SYAP1: variants seen among roughly 807,000 people sequenced by gnomAD.
SYAP1 encodes synapse-associated protein 1.
A neutral mutation model predicts 29.6 loss-of-function variants in SYAP1; 3 were observed. The observed-to-expected ratio is 0.10, with a 90% CI of 0.05 to 0.26. The LOEUF is 0.26. Ranked by LOEUF, SYAP1 falls within the 10% of genes least tolerant of loss-of-function variation. SYAP1 has a pLI of 1.00. For missense variants in SYAP1, 217 were observed against 264.1 expected, an observed-to-expected ratio of 0.82 and a Z score of 1.24; for synonymous variants, 102 against 102.7, an observed-to-expected ratio of 0.99 and a Z score of 0.04.
intron 6 of SYAP1, 55 bp from the exon 7 acceptor site, chrX:16,756,608 T>C: frequency 1.0e-6 from 1 of 986,429 alleles, no homozygotes; most frequent in Non-Finnish European, 1.4e-6. Flanking sequence ...GTGATTATAA[T>C]ATGTATTCAG....
chrX:16,737,514 A>G (rs1176495470), intron 3 of SYAP1, among the ~76,000 whole-genome samples: 1 of 112,395 alleles, frequency 8.9e-6, no homozygotes, highest in African/African-American at 3.2e-5. Flanking sequence ...CAAGTGAGGT[A>G]TACAAGTTAG....
chrX:16,741,869 T>C (rs1926468070), intron 4 of SYAP1, 80 bp downstream of exon 4: 5 of 694,425 alleles, frequency 7.2e-6, no homozygotes, highest in Non-Finnish European at 1.1e-5. Flanking sequence ...TTTAGTAGAA[T>C]TTATTTTTCT....
intron 3 of SYAP1, among the ~76,000 whole-genome samples, chrX:16,737,969 G>A (rs959052120): frequency 7.2e-5 from 8 of 111,528 alleles, no homozygotes; most frequent in African/African-American, 2.6e-4. Context: ...AAAACCATGA[G>A]AGTAGATGAG....
chrX:16,733,786 C>A (rs1926262605), intron 1 of SYAP1, among the ~76,000 whole-genome samples: 1 of 110,049 alleles, frequency 9.1e-6, no homozygotes, highest in South Asian at 3.9e-4. Flanking sequence ...CTGCCTCAGC[C>A]TCCTGAGTAG....
At chrX:16,739,560 T>C in intron 3 of SYAP1, among the ~76,000 whole-genome samples, 1 of 96,407 alleles carries the variant, frequency 1.0e-5, no homozygotes, top group Middle Eastern at 5.4e-3. Flanking sequence ...CACTGCAACC[T>C]CTGCCCCCCG....
Position 16,765,165 on chromosome X carries a change from ATTAT to A in SYAP1, c.*4811_*4814del, listed in dbSNP as rs1706247001. ...TTATATACTTCTCACAAATCATCAA[ATTAT>A]TTATCTGGTCTTCACACTAAGGGAT... On this transcript the variant is annotated 3_prime_UTR_variant, in exon 9 of 9. Coordinates refer to ENST00000380155, the MANE Select transcript of SYAP1 (RefSeq NM_032796.4). 1 of 112,525 alleles carries A rather than the reference ATTAT, an allele frequency of 8.9e-6. No homozygotes were observed. The highest frequency in any genetic ancestry group is 1.9e-5 in the Non-Finnish European group (1 of 53,369). The allele number at this position is 112,525 out of a possible 1,213,427, so 9.3% of individuals were successfully genotyped here.
intron 5 of SYAP1, among the ~76,000 whole-genome samples, chrX:16,746,177 CAA>C (rs11307737): frequency 0.064 from 4,119 of 63,866 alleles, 348 homozygotes; most frequent in African/African-American, 0.22. Flanking sequence ...TGTTTTATGG[CAA>C]AAAAAAAAAA....
chrX:16,761,978 A>G lies in SYAP1; in HGVS notation c.*1619A>G, dbSNP rs1926994886. 1 of 111,654 alleles carries G rather than the reference A, an allele frequency of 9.0e-6. No individual in the cohort carries two copies. The highest frequency in any genetic ancestry group is 9.6e-5 in the Admixed American group (1 of 10,372). 9.2% of individuals were successfully genotyped at this position (111,654 alleles called of 1,213,427 possible). ...CATGTGTCTGAGCCAGACTGTCTCA[A>G]CTGGAGTCTCTTGGGTTATAGCAGT... On this transcript the variant is annotated 3_prime_UTR_variant, in exon 9 of 9. Transcript: ENST00000380155.
rs983667789 is a variant in SYAP1 at position 16,760,846 on chromosome X, A to G, written c.*487A>G. 6 of 111,908 alleles carry G rather than the reference A, an allele frequency of 5.4e-5. No individual in the cohort carries two copies. The highest frequency in any genetic ancestry group is 2.0e-4 in the African/African-American group (6 of 30,710). The allele number at this position is 111,908 out of a possible 1,213,427, so 9.2% of individuals were successfully genotyped here. On this transcript the variant is annotated 3_prime_UTR_variant, in exon 9 of 9. Transcript: ENST00000380155. ...TTTCAGAACTATTCACTTGCCAGGT[A>G]TTTTCTAAAATTCCACCTGAAAGCC...
At position 16,736,150 on chromosome X, in the gene SYAP1, G is replaced by A. The variant is rs1569248972; in HGVS notation, c.295-16G>A. The A allele has an allele frequency of 9.5e-7, 1 of 1,057,662 alleles. No homozygotes were observed. The highest frequency in any genetic ancestry group is 1.3e-6 in the Non-Finnish European group (1 of 757,085). The allele number at this position is 1,057,662 out of a possible 1,213,427, so 87.2% of individuals were successfully genotyped here. A position where few individuals can be genotyped will look rare whatever the true frequency, so the allele number is the denominator to read the frequency against. On this transcript the variant is annotated splice_polypyrimidine_tract_variant and intron_variant, in intron 2 of 8. Transcript: ENST00000380155. ...ATACATTGCTATTTAATTTGACTATGTATTTTTTTTAACAGACAATTATAG... is the reference window on the plus strand; with the variant it reads ...ATACATTGCTATTTAATTTGACTATATATTTTTTTTAACAGACAATTATAG...
Position 16,760,429 on chromosome X carries a change from T to C in SYAP1, c.*70T>C. ...ACATTAAATTCTAGATGTTGACAAT[T>C]ACTGAATCAGAAGGCATGAAAGAGT... On this transcript the variant is annotated 3_prime_UTR_variant, in exon 9 of 9. Transcript: ENST00000380155. The C allele has an allele frequency of 1.0e-6, 1 of 988,427 alleles. No homozygotes were observed. Among genetic ancestry groups the C allele is most frequent in the South Asian group, 3.1e-5 (1 of 32,491 alleles). 81.5% of individuals were successfully genotyped at this position (988,427 alleles called of 1,213,427 possible). A position where few individuals can be genotyped will look rare whatever the true frequency, so the allele number is the denominator to read the frequency against.
At chrX:16,743,220 C>T (rs1415859989) in intron 4 of SYAP1, among the ~76,000 whole-genome samples, 11 of 108,790 alleles carry the variant, frequency 1.0e-4, no homozygotes, top group Non-Finnish European at 1.5e-4. Context: ...CCCAGCTACT[C>T]GGGAGGCTGA....
At chrX:16,737,243 G>GGT (rs1217814178) in intron 3 of SYAP1, among the ~76,000 whole-genome samples, 1 of 111,349 alleles carries the variant, frequency 9.0e-6, no homozygotes, top group East Asian at 2.8e-4. Flanking sequence ...TAGCCAGATG[G>GGT]GTGTGGTGGT....
intron 3 of SYAP1, among the ~76,000 whole-genome samples, chrX:16,740,289 T>C (rs57736651): frequency 0.095 from 10,482 of 109,773 alleles, 1,330 homozygotes; most frequent in African/African-American, 0.33. Context: ...TCTAACGGCT[T>C]ATTGAGGATT....
intron 1 of SYAP1, among the ~76,000 whole-genome samples, chrX:16,722,845 A>G (rs1035344160): frequency 8.9e-6 from 1 of 112,531 alleles, no homozygotes; most frequent in African/African-American, 3.2e-5. Context: ...TCAAGGCCCC[A>G]TGCCGTTAAG....
chrX:16,747,304 G>A (rs924039822), intron 5 of SYAP1, among the ~76,000 whole-genome samples: 3 of 112,254 alleles, frequency 2.7e-5, no homozygotes, highest in African/African-American at 9.7e-5. Context: ...ATGTGCTTGT[G>A]TGTGTGTGTT....
intron 1 of SYAP1, among the ~76,000 whole-genome samples, chrX:16,726,167 A>T (rs905809774): frequency 2.7e-5 from 3 of 112,170 alleles, no homozygotes; most frequent in African/African-American, 9.7e-5. Flanking sequence ...TCCAGAGCTT[A>T]TATACCTTCT....
intron 3 of SYAP1, among the ~76,000 whole-genome samples, chrX:16,738,790 G>A (rs1926385036): frequency 8.9e-6 from 1 of 112,323 alleles, no homozygotes; most frequent in African/African-American, 3.2e-5. Flanking sequence ...ATGGGAGGCA[G>A]GGCCAAGAGG....
intron 3 of SYAP1, among the ~76,000 whole-genome samples, chrX:16,741,003 G>A (rs776511585): frequency 9.2e-6 from 1 of 108,551 alleles, no homozygotes; most frequent in South Asian, 4.0e-4. Flanking sequence ...TCTCATTCAG[G>A]CTTTATCTGA....
Sources: allele counts gnomAD v4.1 joint callset (sites outside exome capture counted in the v4.1 genomes callset), GRCh38; gene constraint gnomAD v4.1.1; transcripts MANE v1.5; gene names NCBI Gene and HGNC (gene_info 2026-07-23, HGNC 2026-07-21).